The following DIXDC1 variants were observed in gnomAD, a reference collection of about 807,000 sequenced individuals.
DIXDC1 encodes DIX domain containing 1, also known as dixin.
DIXDC1 carries 64 observed loss-of-function variants against 103.1 expected under a neutral mutation model. The ratio of observed to expected loss-of-function variants is 0.62; its 90% CI spans 0.51 to 0.76. The LOEUF (loss-of-function observed/expected upper bound fraction) is 0.76, where lower values mean the gene tolerates loss of function less well. Ranked by LOEUF, DIXDC1 falls within the 30% of genes least tolerant of loss-of-function variation. The pLI is 0.00. For missense variants in DIXDC1, 759 were observed against 834.2 expected (o/e 0.91, Z 1.11); for synonymous variants, 266 against 298.5 (o/e 0.89, Z 1.12).
chr11:111,995,037 C>T lies in DIXDC1; in HGVS notation c.1456C>T (p.His486Tyr), dbSNP rs781798117. The T allele has an allele frequency of 6.2e-7, 1 of 1,613,758 alleles. No individual in the cohort carries two copies. The highest frequency in any genetic ancestry group is 8.5e-7 in the Non-Finnish European group (1 of 1,179,896). ...GCTGTAGGCGACCAACTACAACAGT[C>T]ACAACTCTCAAAGCAATGGTTTTCT... Reference protein sequence around the residue: ...EADEATNYNSHNSQSNGFLLP... With the variant: ...EADEATNYNSYNSQSNGFLLP... Residue 486 changes from histidine to tyrosine, a missense_variant, in exon 15 of 20, where the codon CAC (histidine) becomes TAC (tyrosine). Physicochemically the swap from His to Tyr is moderately conservative, Grantham distance 83 (BLOSUM62 2). Coordinates refer to ENST00000440460, the MANE Select transcript of DIXDC1 (RefSeq NM_001037954.4).
chr11:111,947,997 C>A (rs1456547453), intron 1 of DIXDC1, among the ~76,000 whole-genome samples: 1 of 152,040 alleles, frequency 6.6e-6, no homozygotes, highest in African/African-American at 2.4e-5. Context: ...CTACAAAAAT[C>A]AAAAATTTAA....
intron 9 of DIXDC1, among the ~76,000 whole-genome samples, chr11:111,987,313 T>A (rs1217334283): frequency 6.6e-6 from 1 of 152,076 alleles, no homozygotes; most frequent in Non-Finnish European, 1.5e-5. Context: ...ATTTCAGAAT[T>A]GGAATCTTTC....
At chr11:111,993,852 G>C (rs1555174979) in intron 14 of DIXDC1, 112 bp downstream of exon 14, 1 of 1,213,040 alleles carries the variant, frequency 8.2e-7, no homozygotes, top group East Asian at 2.5e-5. Context: ...GAGGCTCTAT[G>C]ATGAGCTAGT....
intron 9 of DIXDC1, among the ~76,000 whole-genome samples, chr11:111,988,465 T>C (rs1860575399): frequency 6.6e-6 from 1 of 152,230 alleles, no homozygotes; most frequent in South Asian, 2.1e-4. Flanking sequence ...ATCGTATACA[T>C]ATATTTTATC....
chr11:111,931,134 G>A (rs1966001899), intron 2 of DIXDC1, among the ~76,000 whole-genome samples: 1 of 151,898 alleles, frequency 6.6e-6, no homozygotes, highest in Non-Finnish European at 1.5e-5. Context: ...GATTACAGGT[G>A]TGAGCCATCG....
chr11:112,007,662 T>TA (rs1861279238), intron 17 of DIXDC1, among the ~76,000 whole-genome samples: 1 of 152,162 alleles, frequency 6.6e-6, no homozygotes, highest in Non-Finnish European at 1.5e-5. Context: ...TCAACATTCT[T>TA]AAAGAAAAGA....
intron 1 of DIXDC1, among the ~76,000 whole-genome samples, chr11:111,956,109 G>A (rs1859355138): frequency 6.6e-6 from 1 of 151,824 alleles, no homozygotes; most frequent in African/African-American, 2.4e-5. Flanking sequence ...TATGCTAACT[G>A]AAATAAGCCA....
chr11:111,994,872 A>C, intron 14 of DIXDC1, 147 bp from the exon 15 acceptor site: 1 of 761,474 alleles, frequency 1.3e-6, no homozygotes, highest in Non-Finnish European at 2.1e-6. Flanking sequence ...TCTATACTTA[A>C]GAAAGATACA....
intron 1 of DIXDC1, 77 bp from the exon 2 acceptor site, chr11:111,964,472 C>G (rs906147596): frequency 1.6e-4 from 240 of 1,520,598 alleles, no homozygotes; most frequent in Non-Finnish European, 2.0e-4. Flanking sequence ...CAGTCACAAA[C>G]GCTTCCTCAG....
chr11:111,929,889 C>T (rs1965957897), exon 2 of DIXDC1: 1 of 1,536,024 alleles, frequency 6.5e-7, no homozygotes. Flanking sequence ...TCAATAACTC[C>T]TTGCTGCCAA....
chr11:111,967,788 C>T (rs901577417), intron 2 of DIXDC1, among the ~76,000 whole-genome samples: 2 of 152,214 alleles, frequency 1.3e-5, no homozygotes, highest in Non-Finnish European at 2.9e-5. Flanking sequence ...TTGTCTCAGA[C>T]TCTCCATTGG....
chr11:111,937,233 C>T (rs1966234068), upstream of DIXDC1: 3 of 1,190,920 alleles, frequency 2.5e-6, no homozygotes, highest in Non-Finnish European at 2.1e-6. Context: ...GGGGGCAGCC[C>T]GGCAGCGCCG....
upstream of DIXDC1, among the ~76,000 whole-genome samples, chr11:111,935,399 T>C (rs1370140238): frequency 6.6e-6 from 1 of 152,200 alleles, no homozygotes; most frequent in Non-Finnish European, 1.5e-5. Context: ...AGCTCACAGA[T>C]CCTACTTTGA....
intron 3 of DIXDC1, among the ~76,000 whole-genome samples, chr11:111,969,293 T>C (rs1859833439): frequency 6.6e-6 from 1 of 151,938 alleles, no homozygotes; most frequent in Non-Finnish European, 1.5e-5. Context: ...GAAATTACAA[T>C]ATTGGGATAT....
rs1404079799 is a variant in DIXDC1, at chr11:112,022,378, A to C, written c.*3342A>C. 1 of 152,608 alleles carries C rather than the reference A, an allele frequency of 6.6e-6. No individual in the cohort carries two copies. Among genetic ancestry groups the C allele is most frequent in the East Asian group, 1.9e-4 (1 of 5,192 alleles). 9.5% of individuals were successfully genotyped at this position (152,608 alleles called of 1,614,324 possible). A position where few individuals can be genotyped will look rare whatever the true frequency, so the allele number is the denominator to read the frequency against. ...TATATGTAAAGTTATATTTTCTTAG[A>C]AACATGGATGTTTACAGCCATTGCT... On this transcript the variant is annotated 3_prime_UTR_variant, in exon 20 of 20. Transcript: ENST00000440460. The surrounding 1 kb of genome is among the most constrained non-coding windows in gnomAD (Gnocchi z 4.9).
At chr11:111,940,434 T>A (rs1168268632) in intron 1 of DIXDC1, among the ~76,000 whole-genome samples, 1 of 152,172 alleles carries the variant, frequency 6.6e-6, no homozygotes, top group African/African-American at 2.4e-5. Context: ...CTCCCCAATC[T>A]GCATCTGCCT....
intron 6 of DIXDC1, among the ~76,000 whole-genome samples, chr11:111,981,979 C>A (rs782264304): frequency 9.9e-5 from 15 of 152,154 alleles, no homozygotes; most frequent in Non-Finnish European, 1.9e-4. Context: ...ATTTTGTTTT[C>A]ATTGCATCTG....
chr11:111,941,837 T>TACACACACACACAC (rs10635444), intron 1 of DIXDC1, among the ~76,000 whole-genome samples: 12 of 139,186 alleles, frequency 8.6e-5, no homozygotes, highest in Admixed American at 1.4e-4. Flanking sequence ...CGAAACAAAA[T>TACACACACACACAC]ACACACACAC....
At chr11:111,931,968 T>A (rs1966032777) in intron 2 of DIXDC1, among the ~76,000 whole-genome samples, 1 of 151,078 alleles carries the variant, frequency 6.6e-6, no homozygotes, top group Admixed American at 6.6e-5. Context: ...TTCCAAAATA[T>A]CCACCAGATG....
Sources: gnomAD v4.1 joint callset for allele counts (sites outside exome capture counted in the v4.1 genomes callset) on GRCh38, gnomAD v4.1.1 for gene constraint, Gnocchi (gnomAD v3.1) non-coding constraint, MANE v1.5 for transcripts, NCBI Gene and HGNC (gene_info 2026-07-23, HGNC 2026-07-21) for gene names.